The following SCAPER variants were observed in gnomAD, a reference collection of about 807,000 sequenced individuals.
The protein encoded by SCAPER is S-phase cyclin A associated protein in the ER, also known as S phase cyclin A-associated protein in the endoplasmic reticulum.
SCAPER carries 98 observed loss-of-function variants against 182.2 expected under a neutral mutation model. The observed-to-expected ratio is 0.54, with a 90% CI of 0.46 to 0.64. The LOEUF (loss-of-function observed/expected upper bound fraction) is 0.64, where lower values mean the gene tolerates loss of function less well. SCAPER is among the 30% of genes least tolerant of loss of function. The probability of loss-of-function intolerance (pLI) is 0.00; values close to 1 mark genes in which losing one functional copy is unlikely to be tolerated. For synonymous variants in SCAPER, 605 were observed against 564.6 expected (o/e 1.07, Z -1.01); for missense variants, 1,432 against 1,690.0 (o/e 0.85, Z 2.68).
chr15:76,403,826 T>C (rs1307553642), intron 27 of SCAPER, among the ~76,000 whole-genome samples: 3 of 152,028 alleles, frequency 2.0e-5, no homozygotes, highest in Non-Finnish European at 4.4e-5. Flanking sequence ...TGGTGAGGGA[T>C]GGGTTGGGGA....
chr15:76,418,252 G>C (rs1302929734), intron 26 of SCAPER, among the ~76,000 whole-genome samples: 1 of 152,184 alleles, frequency 6.6e-6, no homozygotes, highest in Non-Finnish European at 1.5e-5. Flanking sequence ...AGGGGAGTAA[G>C]GCATCCTGCC....
chr15:76,767,601 C>T (rs1436522802), intron 10 of SCAPER, among the ~76,000 whole-genome samples: 2 of 151,938 alleles, frequency 1.3e-5, no homozygotes, highest in East Asian at 3.9e-4. Flanking sequence ...TCATGAGAAG[C>T]TAAAGATGTA....
At chr15:76,467,006 T>C (rs1444492050) in intron 25 of SCAPER, among the ~76,000 whole-genome samples, 1 of 152,078 alleles carries the variant, frequency 6.6e-6, no homozygotes, top group East Asian at 1.9e-4. Context: ...CTTGCTGTTC[T>C]TGTGATAGTG....
chr15:76,776,331 C>A (rs1364811175), intron 8 of SCAPER, among the ~76,000 whole-genome samples: 1 of 152,126 alleles, frequency 6.6e-6, no homozygotes, highest in Non-Finnish European at 1.5e-5. Flanking sequence ...CCAATGGAAC[C>A]CCTGTTCCCC....
At chr15:76,830,224 G>T (rs924805284) in intron 5 of SCAPER, among the ~76,000 whole-genome samples, 8 of 151,738 alleles carry the variant, frequency 5.3e-5, no homozygotes, top group African/African-American at 1.7e-4. Context: ...AGAAGGGAGG[G>T]GACAAAAGTG....
At chr15:76,695,591 C>A in intron 20 of SCAPER, among the ~76,000 whole-genome samples, 1 of 140,254 alleles carries the variant, frequency 7.1e-6, no homozygotes, top group South Asian at 2.6e-4. Context: ...AGCAAGACTC[C>A]GTCTCAAAAA....
chr15:76,522,012 A>G (rs1054438091), intron 23 of SCAPER, among the ~76,000 whole-genome samples: 4 of 152,176 alleles, frequency 2.6e-5, no homozygotes, highest in Non-Finnish European at 4.4e-5. Context: ...TAGAGAATTT[A>G]ATTCAGAGAA....
chr15:76,743,551 T>A (rs1315645506), intron 15 of SCAPER, among the ~76,000 whole-genome samples: 1 of 151,558 alleles, frequency 6.6e-6, no homozygotes, highest in African/African-American at 2.4e-5. Flanking sequence ...CCATACAAAA[T>A]AGCCAAAGAA....
intron 17 of SCAPER, among the ~76,000 whole-genome samples, chr15:76,727,673 T>A (rs2151015203): frequency 6.6e-6 from 1 of 152,128 alleles, no homozygotes; most frequent in African/African-American, 2.4e-5. Context: ...ATTTCATAAA[T>A]AAGACCAAAA....
At chr15:76,376,082 T>C in intron 29 of SCAPER, 80 bp downstream of exon 29, 6 of 1,559,476 alleles carry the variant, frequency 3.8e-6, no homozygotes, top group Non-Finnish European at 4.4e-6. Context: ...TCCAGCCCGC[T>C]AGCCTGCCTT....
intron 3 of SCAPER, among the ~76,000 whole-genome samples, chr15:76,859,325 C>A (rs942934980): frequency 2.0e-5 from 3 of 152,168 alleles, no homozygotes; most frequent in Non-Finnish European, 4.4e-5. Context: ...GCTACACTAA[C>A]CTACAGAGCC....
chr15:76,487,565 A>C (rs1362943062), intron 24 of SCAPER, among the ~76,000 whole-genome samples: 1 of 152,166 alleles, frequency 6.6e-6, no homozygotes, highest in East Asian at 1.9e-4. Context: ...ATCAACTGTA[A>C]AAATATACCA....
At chr15:76,355,202 A>G (rs2040871004) in intron 29 of SCAPER, among the ~76,000 whole-genome samples, 1 of 152,260 alleles carries the variant, frequency 6.6e-6, no homozygotes, top group Non-Finnish European at 1.5e-5. Flanking sequence ...ACACTCTCAG[A>G]TGATAATGCA....
intron 27 of SCAPER, among the ~76,000 whole-genome samples, chr15:76,396,717 G>C (rs2044087389): frequency 6.6e-6 from 1 of 152,118 alleles, no homozygotes; most frequent in Non-Finnish European, 1.5e-5. Flanking sequence ...CTTTTTGATG[G>C]AGTCTTTAGG....
intron 22 of SCAPER, among the ~76,000 whole-genome samples, chr15:76,579,973 A>G (rs1252169883): frequency 6.6e-6 from 1 of 152,120 alleles, no homozygotes; most frequent in Non-Finnish European, 1.5e-5. Flanking sequence ...AAACAATATA[A>G]TAATTATAAA....
chr15:76,514,998 C>T (rs1597137788), intron 23 of SCAPER, among the ~76,000 whole-genome samples: 1 of 152,274 alleles, frequency 6.6e-6, no homozygotes, highest in East Asian at 1.9e-4. Context: ...GCTGTAGGCA[C>T]TAACACTGAT....
chr15:76,713,658 T>C (rs1464947225), intron 17 of SCAPER, among the ~76,000 whole-genome samples: 2 of 151,946 alleles, frequency 1.3e-5, no homozygotes, highest in African/African-American at 4.8e-5. Context: ...AGGGATAGCA[T>C]TAGGAGATAT....
At chr15:76,502,455 A>G (rs1199008652) in intron 24 of SCAPER, among the ~76,000 whole-genome samples, 2 of 152,188 alleles carry the variant, frequency 1.3e-5, no homozygotes, top group African/African-American at 2.4e-5. Context: ...CATCATTCTC[A>G]GCAAACTATC....
At position 76,733,383 on chromosome 15, in the gene SCAPER, A is replaced by G; in HGVS notation, c.1868T>C (p.Val623Ala). The change falls in exon 16 of 32, where the codon GTA (valine) becomes GCA (alanine). Residue 623 changes from valine to alanine, a missense_variant and splice_region_variant. By Grantham distance (64) the Val-to-Ala change is moderately conservative. Transcript: ENST00000563290. ...VKKAQEEEAK[V>A]NEIAFINTLE... ...GGTATTTATAAAGGCAATTTCATTTACCTTTAAAAAAACAAAGAAGGTAAG... is the reference window on the plus strand; with the variant it reads ...GGTATTTATAAAGGCAATTTCATTTGCCTTTAAAAAAACAAAGAAGGTAAG... 1 of 1,611,090 alleles carries G rather than the reference A, an allele frequency of 6.2e-7. No individual in the cohort carries two copies. Among genetic ancestry groups the G allele is most frequent in the Non-Finnish European group, 8.5e-7 (1 of 1,179,150 alleles).
Sources: allele counts gnomAD v4.1 joint callset (sites outside exome capture counted in the v4.1 genomes callset), GRCh38; gene constraint gnomAD v4.1.1; transcripts MANE v1.5; gene names NCBI Gene and HGNC (gene_info 2026-07-23, HGNC 2026-07-21).